The following GRM3 variants were observed in gnomAD, a reference collection of about 807,000 sequenced individuals.
The protein encoded by GRM3 is glutamate metabotropic receptor 3.
In GRM3, 26 loss-of-function variants were observed where a neutral mutation model predicts 70.5. The observed-to-expected ratio is 0.37, with a 90% confidence interval of 0.27 to 0.51. The LOEUF is 0.51. Ranked by LOEUF, GRM3 falls within the 20% of genes least tolerant of loss-of-function variation. The pLI is 0.93. For missense variants in GRM3, 859 were observed against 1,123.8 expected (o/e 0.76, Z 3.37); for synonymous variants, 443 against 434.9 (o/e 1.02, Z -0.23).
chr7:86,767,091 G>T (rs1796617121), intron 2 of GRM3, among the ~76,000 whole-genome samples: 1 of 151,642 alleles, frequency 6.6e-6, no homozygotes, highest in Admixed American at 6.6e-5. Flanking sequence ...ACACACCTGT[G>T]TTCCCAGATA....
intron 2 of GRM3, among the ~76,000 whole-genome samples, chr7:86,768,599 G>GTTA (rs1562855018): frequency 1.3e-5 from 2 of 152,182 alleles, no homozygotes; most frequent in Admixed American, 1.3e-4. Flanking sequence ...AATGAAAGTT[G>GTTA]CATTGGAGAA....
intron 3 of GRM3, among the ~76,000 whole-genome samples, chr7:86,838,087 C>A (rs1453379496): frequency 6.6e-6 from 1 of 151,952 alleles, no homozygotes; most frequent in African/African-American, 2.4e-5. Context: ...TGAGGGTGGC[C>A]CACTTGGCTG....
chr7:86,704,824 C>T (rs1332716125), intron 1 of GRM3, among the ~76,000 whole-genome samples: 1 of 151,900 alleles, frequency 6.6e-6, no homozygotes, highest in African/African-American at 2.4e-5. Flanking sequence ...TCTGTTCAGA[C>T]TGTATCAAAC....
At chr7:86,847,387 A>T (rs1354545255) in intron 4 of GRM3, among the ~76,000 whole-genome samples, 1 of 152,292 alleles carries the variant, frequency 6.6e-6, no homozygotes, top group East Asian at 1.9e-4. Flanking sequence ...TTAAACAGTG[A>T]CACTTGGGGA....
chr7:86,698,520 T>TTATATATATATATATATATA (rs570784350), intron 1 of GRM3, among the ~76,000 whole-genome samples: 6 of 142,150 alleles, frequency 4.2e-5, no homozygotes, highest in African/African-American at 1.6e-4. Context: ...TAAAAAGTAT[T>TTATATATATATATATATATA]TATATATATA....
At chr7:86,692,369 T>G (rs976711395) in intron 1 of GRM3, among the ~76,000 whole-genome samples, 2 of 152,226 alleles carry the variant, frequency 1.3e-5, no homozygotes, top group African/African-American at 4.8e-5. Flanking sequence ...TTTACTATCC[T>G]TGTCAATCAT....
At chr7:86,732,613 A>G (rs1795760758) in intron 1 of GRM3, among the ~76,000 whole-genome samples, 2 of 152,338 alleles carry the variant, frequency 1.3e-5, no homozygotes, top group African/African-American at 2.4e-5. Flanking sequence ...AACTAAGTTC[A>G]TCTTCACAAC....
intron 1 of GRM3, among the ~76,000 whole-genome samples, chr7:86,737,565 AT>A (rs1053997515): frequency 6.6e-6 from 1 of 152,212 alleles, no homozygotes; most frequent in African/African-American, 2.4e-5. Flanking sequence ...GAAGTACTCA[AT>A]TTGTTACGGT....
chr7:86,835,751 C>T (rs985488854), intron 3 of GRM3, among the ~76,000 whole-genome samples: 3 of 152,098 alleles, frequency 2.0e-5, no homozygotes, highest in Non-Finnish European at 4.4e-5. Context: ...GCTGGGAACA[C>T]AGGCATGTGC....
At chr7:86,781,807 T>C (rs891839639) in intron 2 of GRM3, among the ~76,000 whole-genome samples, 1 of 152,166 alleles carries the variant, frequency 6.6e-6, no homozygotes, top group Non-Finnish European at 1.5e-5. Flanking sequence ...TAAGACTTTA[T>C]ATAAGACTTA....
chr7:86,755,343 A>C (rs1204203554), intron 1 of GRM3, among the ~76,000 whole-genome samples: 2 of 152,184 alleles, frequency 1.3e-5, no homozygotes, highest in African/African-American at 4.8e-5. Context: ...TATGACATTC[A>C]AAAGGCTTAA....
In GRM3 at chr7:86,790,924, C is replaced by A. The variant is rs10277739; in HGVS notation, c.1324+3808C>A. ...TACCCTGCTCTACCTTTTGTTTTTT[C>A]ACCCCATGACATTTTCCCCTTCTGT... On this transcript the variant is annotated intron_variant, in intron 3 of 5. Coordinates refer to ENST00000361669, the MANE Select transcript of GRM3 (RefSeq NM_000840.3). Among the ~76,000 whole-genome samples, 3 of 150,850 alleles carry A rather than the reference C, an allele frequency of 2.0e-5. No homozygotes were observed. The East Asian group carries it at 6.3e-4, about 31-fold the overall frequency.
chr7:86,779,555 A>G (rs77894250), intron 2 of GRM3, among the ~76,000 whole-genome samples: 5,618 of 152,336 alleles, frequency 0.037, 329 homozygotes, highest in African/African-American at 0.13. Context: ...AGGCATTGAG[A>G]ATTCAGAGAT....
At chr7:86,671,704 CTCA>C (rs1176899113) in intron 1 of GRM3, among the ~76,000 whole-genome samples, 1 of 152,190 alleles carries the variant, frequency 6.6e-6, no homozygotes, top group African/African-American at 2.4e-5. Context: ...ATGTCAACTG[CTCA>C]TCAACTACCT....
intron 3 of GRM3, among the ~76,000 whole-genome samples, chr7:86,793,311 G>C (rs1469562860): frequency 5.9e-5 from 9 of 152,108 alleles, no homozygotes; most frequent in Admixed American, 5.2e-4. Context: ...GTTTTAGCTG[G>C]CCCCAACCCA....
Position 86,857,131 on chromosome 7 carries a change from G to GTTT in GRM3, c.2566+6600_2566+6602dup, listed in dbSNP as rs57272959. The stretch of plus-strand genomic sequence containing the variant: ...AATGTTAGCATCTGCAAATTCAATG[G>GTTT]TTTTTTTTTTTTTTTAAGTTAAAAG... On this transcript the variant is annotated intron_variant, in intron 5 of 5. Transcript: ENST00000361669. 5.6e-3 allele frequency among the ~76,000 whole-genome samples: 803 copies of GTTT among 142,646 alleles called. 11 individuals carry two copies. The highest frequency in any genetic ancestry group is 0.02 in the African/African-American group (773 of 39,126). 93.6% of individuals were successfully genotyped at this position (142,646 alleles called of 152,430 possible). A position where few individuals can be genotyped will look rare whatever the true frequency, so the allele number is the denominator to read the frequency against.
At chr7:86,674,293 C>T (rs2115923397) in intron 1 of GRM3, among the ~76,000 whole-genome samples, 1 of 143,816 alleles carries the variant, frequency 7.0e-6, no homozygotes, top group Non-Finnish European at 1.6e-5. Context: ...TCCACATGGG[C>T]TTGTCTACAA....
chr7:86,678,486 G>A (rs772995365), intron 1 of GRM3, among the ~76,000 whole-genome samples: 1 of 151,980 alleles, frequency 6.6e-6, no homozygotes, highest in Non-Finnish European at 1.5e-5. Context: ...TAGAACACAT[G>A]TCTTAAGGGT....
chr7:86,804,333 G>T (rs1797743185), intron 3 of GRM3, among the ~76,000 whole-genome samples: 2 of 152,156 alleles, frequency 1.3e-5, no homozygotes, highest in Non-Finnish European at 2.9e-5. Context: ...GACAACCCAA[G>T]ATTCATCTGC....
Sources: gnomAD v4.1 joint callset for allele counts (sites outside exome capture counted in the v4.1 genomes callset) on GRCh38, gnomAD v4.1.1 for gene constraint, MANE v1.5 for transcripts, NCBI Gene and HGNC (gene_info 2026-07-23, HGNC 2026-07-21) for gene names.